Variants in RASGEF1C observed in about 807,000 individuals in gnomAD.
RASGEF1C encodes the protein RasGEF domain family member 1C.
Under a neutral mutation model 58.1 loss-of-function variants are expected in RASGEF1C, and 27 were observed. The ratio of observed to expected loss-of-function variants is 0.46; its 90% CI spans 0.34 to 0.64. The LOEUF (loss-of-function observed/expected upper bound fraction) is 0.64. RASGEF1C is among the 30% of genes least tolerant of loss of function. The pLI, the probability that RASGEF1C is intolerant of heterozygous loss-of-function variation, is 0.01. For missense variants in RASGEF1C, 502 were observed against 605.1 expected, an observed-to-expected ratio of 0.83 and a Z score of 1.79; for synonymous variants, 243 against 246.3, an observed-to-expected ratio of 0.99 and a Z score of 0.13.
In RASGEF1C at chr5:180,141,514, G is replaced by A. The variant is rs574148618; in HGVS notation, c.-6-3456C>T. Among the ~76,000 whole-genome samples the A allele has an allele frequency of 1.3e-5, 2 of 152,310 alleles. 1 individual carries two copies. The highest frequency in any genetic ancestry group is 4.1e-4 in the South Asian group (2 of 4,826). On this transcript the variant is annotated intron_variant, in intron 1 of 13. Transcript: ENST00000361132. ...TTGTGGAGGCACCTACAGTCATCAC[G>A]TTCACAGAGGCAGACGGTGGGACGG...
At chr5:180,195,731 C>T (rs1011901186) in intron 1 of RASGEF1C, among the ~76,000 whole-genome samples, 7 of 151,672 alleles carry the variant, frequency 4.6e-5, no homozygotes, top group Admixed American at 6.6e-5. Flanking sequence ...CACTACTGCA[C>T]TCCAGCCTGG....
At chr5:180,170,371 C>T (rs1220709477) in intron 1 of RASGEF1C, among the ~76,000 whole-genome samples, 4 of 152,222 alleles carry the variant, frequency 2.6e-5, no homozygotes, top group African/African-American at 9.6e-5. Flanking sequence ...AAACAAGCGT[C>T]CTATTTACCA....
At chr5:180,159,146 A>T (rs1183836924) in intron 1 of RASGEF1C, among the ~76,000 whole-genome samples, 10 of 146,850 alleles carry the variant, frequency 6.8e-5, no homozygotes, top group Admixed American at 5.4e-4. Flanking sequence ...TTTTTAATTA[A>T]TTTTTTTTTT....
intron 6 of RASGEF1C, among the ~76,000 whole-genome samples, chr5:180,122,510 G>A (rs1766192775): frequency 6.6e-6 from 1 of 152,142 alleles, no homozygotes. Context: ...GGAGGCCAAG[G>A]TGGGTGGATC....
intron 12 of RASGEF1C, among the ~76,000 whole-genome samples, chr5:180,106,007 A>G (rs1288308192): frequency 6.6e-6 from 1 of 152,218 alleles, no homozygotes; most frequent in African/African-American, 2.4e-5. Context: ...GGGATGAATC[A>G]TGTCCCAGGA....
At chr5:180,178,919 G>A (rs946648922) in intron 1 of RASGEF1C, among the ~76,000 whole-genome samples, 17 of 152,240 alleles carry the variant, frequency 1.1e-4, no homozygotes, top group South Asian at 4.1e-4. Context: ...GGGGAGGGGC[G>A]CAGGTGCCAA....
At chr5:180,172,516 A>G (rs1007530892) in intron 1 of RASGEF1C, among the ~76,000 whole-genome samples, 1 of 151,616 alleles carries the variant, frequency 6.6e-6, no homozygotes, top group African/African-American at 2.4e-5. Context: ...GGCACACTCC[A>G]CTCCAGATGC....
chr5:180,198,151 T>C lies in RASGEF1C; in HGVS notation c.-7+10877A>G, dbSNP rs938308702. Among the ~76,000 whole-genome samples the C allele has an allele frequency of 5.9e-5, 9 of 152,130 alleles. No individual in the cohort carries two copies. Among genetic ancestry groups the C allele is most frequent in the African/African-American group, 1.7e-4 (7 of 41,410 alleles). Reference sequence around the variant, plus strand: ...CCATTGGTGGCAGGACCCTGGGCAGTAAGGCCCTAAGGAAACTGGAAACAG... The same window carrying C: ...CCATTGGTGGCAGGACCCTGGGCAGCAAGGCCCTAAGGAAACTGGAAACAG... On this transcript the variant is annotated intron_variant, in intron 1 of 13. Coordinates refer to ENST00000361132, the MANE Select transcript of RASGEF1C (RefSeq NM_175062.4). The surrounding 1 kb of genome is among the most constrained non-coding windows in gnomAD (Gnocchi z 4.5).
At chr5:180,118,502 T>G (rs1766108139) in intron 10 of RASGEF1C, 107 bp downstream of exon 10, 2 of 1,033,590 alleles carry the variant, frequency 1.9e-6, no homozygotes, top group Admixed American at 4.8e-5. Context: ...GAGACCTGGC[T>G]GTCTATTACT....
intron 1 of RASGEF1C, among the ~76,000 whole-genome samples, chr5:180,173,895 A>T (rs1488161481): frequency 7.2e-6 from 1 of 138,000 alleles, no homozygotes; most frequent in Admixed American, 7.2e-5. Context: ...CCTGGGCAAC[A>T]GAGCGAGACT....
rs1277235080 is a variant in RASGEF1C at position 180,137,659 on chromosome 5, C to T, written c.231G>A (p.Arg77=). The change falls in exon 3 of 14, where the codon CGG becomes CGA. Residue 77 remains arginine (R), a synonymous_variant. Transcript: ENST00000361132. This position sits in a 1 kb window ranked among gnomAD's most constrained non-coding sequence, Gnocchi z 4.1. ...LLSSRLFIEP[R]ELLARVCHLC... The stretch of plus-strand genomic sequence containing the variant: ...GGTGGCAGACCCGGGCCAGGAGCTC[C>T]CGGGGCTCGATGAAGAGGCGAGAGC... The T allele has an allele frequency of 6.2e-7, 1 of 1,612,852 alleles. No individual in the cohort carries two copies. The highest frequency in any genetic ancestry group is 8.5e-7 in the Non-Finnish European group (1 of 1,180,006).
intron 4 of RASGEF1C, among the ~76,000 whole-genome samples, chr5:180,133,954 A>G (rs1766422327): frequency 6.6e-6 from 1 of 152,190 alleles, no homozygotes; most frequent in African/African-American, 2.4e-5. Context: ...TGGTGGGGAC[A>G]GGTATTATCC....
chr5:180,118,598 C>T lies in RASGEF1C; in HGVS notation c.1083+11G>A, dbSNP rs1766110766. On this transcript the variant is annotated intron_variant, in intron 10 of 13. Coordinates refer to ENST00000361132, the MANE Select transcript of RASGEF1C (RefSeq NM_175062.4). The stretch of plus-strand genomic sequence containing the variant: ...CTGCAGCCCCCCTGGGCCAACGTGG[C>T]CCCGACCTACCTTCTCTCGGCTGCT... 6.3e-7 allele frequency: 1 copy of T among 1,598,774 alleles called. No homozygotes were observed. The highest frequency in any genetic ancestry group is 8.5e-7 in the Non-Finnish European group (1 of 1,172,474).
intron 1 of RASGEF1C, among the ~76,000 whole-genome samples, chr5:180,181,487 G>A (rs1227076613): frequency 6.6e-6 from 1 of 152,168 alleles, no homozygotes; most frequent in African/African-American, 2.4e-5. Flanking sequence ...GGAGTGGAGT[G>A]GGGTGGGGTG....
intron 1 of RASGEF1C, among the ~76,000 whole-genome samples, chr5:180,154,824 A>T (rs928051049): frequency 5.3e-5 from 8 of 151,054 alleles, no homozygotes; most frequent in African/African-American, 1.5e-4. Flanking sequence ...CTCGTGATCC[A>T]CCCGCCTCAG....
Position 180,207,109 on chromosome 5 carries a change from T to C in RASGEF1C, c.-7+1919A>G, listed in dbSNP as rs1015009785. On this transcript the variant is annotated intron_variant, in intron 1 of 13. Coordinates refer to ENST00000361132, the MANE Select transcript of RASGEF1C (RefSeq NM_175062.4). Reference sequence around the variant, plus strand: ...AAGTAGAAACACACGAAGCTAACAGTGTGTCCGACTGATAACGTCACCACA... The same window carrying C: ...AAGTAGAAACACACGAAGCTAACAGCGTGTCCGACTGATAACGTCACCACA... Among the ~76,000 whole-genome samples the C allele has an allele frequency of 2.4e-4, 37 of 152,236 alleles. 1 individual carries two copies. The highest frequency in any genetic ancestry group is 8.9e-4 in the African/African-American group (37 of 41,538).
Position 180,183,117 on chromosome 5 carries a change from A to C in RASGEF1C, c.-7+25911T>G, listed in dbSNP as rs545319705. 5.3e-4 allele frequency among the ~76,000 whole-genome samples: 81 copies of C among 152,298 alleles called. 1 individual carries two copies. The South Asian group carries it at 0.016, about 30-fold the overall frequency. On this transcript the variant is annotated intron_variant, in intron 1 of 13. Transcript: ENST00000361132. Reference sequence around the variant, plus strand: ...CTAAACAGATAAGCTTTTTTAAAAAAAGGTCAGATACTTGCATCAGAGACT... The same window carrying C: ...CTAAACAGATAAGCTTTTTTAAAAACAGGTCAGATACTTGCATCAGAGACT...
At chr5:180,103,129 G>A (rs970034987) in intron 12 of RASGEF1C, among the ~76,000 whole-genome samples, 1 of 152,180 alleles carries the variant, frequency 6.6e-6, no homozygotes, top group South Asian at 2.1e-4. Flanking sequence ...CCAGGCTGGA[G>A]TGCAGTGGCG....
At chr5:180,105,945 G>A (rs1157922559) in intron 12 of RASGEF1C, among the ~76,000 whole-genome samples, 3 of 152,152 alleles carry the variant, frequency 2.0e-5, no homozygotes, top group African/African-American at 4.8e-5. Flanking sequence ...TAGCTGAGGT[G>A]GCCACTAAGT....
Sources: gnomAD v4.1 joint callset for allele counts (sites outside exome capture counted in the v4.1 genomes callset) on GRCh38, gnomAD v4.1.1 for gene constraint, Gnocchi (gnomAD v3.1) non-coding constraint, MANE v1.5 for transcripts, NCBI Gene and HGNC (gene_info 2026-07-23, HGNC 2026-07-21) for gene names.